Variants in PTPRN2 observed in about 807,000 individuals in gnomAD.
PTPRN2 encodes receptor-type tyrosine-protein phosphatase N2.
In PTPRN2, 74 loss-of-function variants were observed where a neutral mutation model predicts 118.8. That is an observed-to-expected ratio of 0.62 (90% CI 0.52 to 0.76). The LOEUF (loss-of-function observed/expected upper bound fraction) is 0.76, where lower values mean the gene tolerates loss of function less well. PTPRN2 is among the 30% of genes least tolerant of loss of function. The pLI, the probability that PTPRN2 is intolerant of heterozygous loss-of-function variation, is 0.00. For missense variants in PTPRN2, 1,481 were observed against 1,394.4 expected, an observed-to-expected ratio of 1.06 and a Z score of -0.99; for synonymous variants, 641 against 608.0, an observed-to-expected ratio of 1.05 and a Z score of -0.80.
intron 3 of PTPRN2, among the ~76,000 whole-genome samples, chr7:158,289,861 C>T (rs1055612218): frequency 9.2e-5 from 14 of 152,182 alleles, no homozygotes; most frequent in African/African-American, 3.4e-4. Context: ...AGATTCTGGG[C>T]GTCATCTGGC....
At chr7:158,521,408 T>C (rs1194749061) in intron 1 of PTPRN2, among the ~76,000 whole-genome samples, 2 of 152,222 alleles carry the variant, frequency 1.3e-5, no homozygotes, top group African/African-American at 4.8e-5. Context: ...TTGTTTTTTC[T>C]CCCTGCATCT....
chr7:158,390,869 G>A (rs879649590), intron 2 of PTPRN2, among the ~76,000 whole-genome samples: 6 of 152,196 alleles, frequency 3.9e-5, no homozygotes, highest in Admixed American at 3.9e-4. Flanking sequence ...AAAAATGGAG[G>A]GGCAGGAAGG....
intron 19 of PTPRN2, among the ~76,000 whole-genome samples, chr7:157,572,960 C>T (rs1418534181): frequency 6.6e-6 from 1 of 152,174 alleles, no homozygotes; most frequent in East Asian, 1.9e-4. Flanking sequence ...GCGGGGAAGG[C>T]AATGGTGAAC....
chr7:157,634,575 C>T (rs1236241040), intron 14 of PTPRN2, among the ~76,000 whole-genome samples: 3 of 152,194 alleles, frequency 2.0e-5, no homozygotes, highest in Non-Finnish European at 2.9e-5. Flanking sequence ...TGTGTGCACA[C>T]AGGGCTGCGT....
At chr7:158,520,899 G>A (rs1440287871) in intron 1 of PTPRN2, among the ~76,000 whole-genome samples, 2 of 152,116 alleles carry the variant, frequency 1.3e-5, no homozygotes, top group African/African-American at 4.8e-5. Flanking sequence ...TCAGCAGGAG[G>A]ATACACATGG....
At chr7:157,558,440 CTA>C (rs1799016883) in intron 21 of PTPRN2, among the ~76,000 whole-genome samples, 1 of 152,236 alleles carries the variant, frequency 6.6e-6, no homozygotes, top group Admixed American at 6.5e-5. Flanking sequence ...TCCTCAACAC[CTA>C]TGTCAGAATC....
At position 157,987,349 on chromosome 7, in the gene PTPRN2, C is replaced by A. The variant is rs967415405; in HGVS notation, c.1724-88612G>T. On this transcript the variant is annotated intron_variant, in intron 11 of 22. Coordinates refer to ENST00000389418, the MANE Select transcript of PTPRN2 (RefSeq NM_002847.5). This position sits in a 1 kb window ranked among gnomAD's most constrained non-coding sequence, Gnocchi z 4.3. ...ACTAAAGGGAAAGGGGGCGTGATGA[C>A]CAGTCACTAGTGGGGGTGAGACAAC... Among the ~76,000 whole-genome samples, 1 of 147,326 alleles carries A rather than the reference C, an allele frequency of 6.8e-6. No homozygotes were observed. Among genetic ancestry groups the A allele is most frequent in the Non-Finnish European group, 1.5e-5 (1 of 67,260 alleles).
At chr7:157,668,546 G>T (rs1212133065) in intron 13 of PTPRN2, among the ~76,000 whole-genome samples, 1 of 152,224 alleles carries the variant, frequency 6.6e-6, no homozygotes, top group African/African-American at 2.4e-5. Flanking sequence ...GGTTCACTGG[G>T]CTCTGCTGGG....
Position 157,690,802 on chromosome 7 carries a change from G to A in PTPRN2, c.1789-7865C>T, listed in dbSNP as rs973858373. Among the ~76,000 whole-genome samples, 1 of 149,784 alleles carries A rather than the reference G, an allele frequency of 6.7e-6. No homozygotes were observed. Among genetic ancestry groups the A allele is most frequent in the Non-Finnish European group, 1.5e-5 (1 of 67,270 alleles). The stretch of plus-strand genomic sequence containing the variant: ...GCGGCTGCGCGGCGGCACGGGCTCG[G>A]AGCCCGCAGGCGCCGGAGCTCTGCG... On this transcript the variant is annotated intron_variant, in intron 12 of 22. Transcript: ENST00000389418. The surrounding 1 kb of genome is among the most constrained non-coding windows in gnomAD (Gnocchi z 7.1).
intron 1 of PTPRN2, among the ~76,000 whole-genome samples, chr7:158,538,750 G>A (rs977005623): frequency 4.6e-5 from 7 of 152,218 alleles, no homozygotes; most frequent in Admixed American, 2.6e-4. Context: ...GGGGCGGGAA[G>A]AGGAACTCAG....
At chr7:158,557,015 C>T (rs1475680079) in intron 1 of PTPRN2, among the ~76,000 whole-genome samples, 1 of 142,238 alleles carries the variant, frequency 7.0e-6, no homozygotes, top group African/African-American at 2.8e-5. Context: ...CCACGCAGGT[C>T]GCTCCCACGC....
At chr7:157,865,623 A>T (rs1331876297) in intron 12 of PTPRN2, 1 of 152,220 alleles carries the variant, frequency 6.6e-6, no homozygotes, top group African/African-American at 2.4e-5. Flanking sequence ...TGCCAGGAGG[A>T]TCTGCTGTCT....
intron 3 of PTPRN2, among the ~76,000 whole-genome samples, chr7:158,316,008 C>A (rs1466748719): frequency 6.6e-6 from 1 of 152,140 alleles, no homozygotes; most frequent in African/African-American, 2.4e-5. Flanking sequence ...ACAAGGCCAG[C>A]CCTGCTGTGG....
At chr7:158,272,416 G>A (rs1288584108) in intron 3 of PTPRN2, among the ~76,000 whole-genome samples, 2 of 152,174 alleles carry the variant, frequency 1.3e-5, no homozygotes, top group African/African-American at 4.8e-5. Context: ...TTTTTCAAGT[G>A]GTTTGAGTCA....
chr7:158,045,213 C>T (rs537910729), intron 11 of PTPRN2, among the ~76,000 whole-genome samples: 6 of 152,290 alleles, frequency 3.9e-5, no homozygotes, highest in South Asian at 2.1e-4. Context: ...AGTCATGTGG[C>T]GCACAGCAGC....
In PTPRN2 at chr7:158,188,738, G is replaced by A. The variant is rs71545572; in HGVS notation, c.549+3589C>T. On this transcript the variant is annotated intron_variant, in intron 5 of 22. Coordinates refer to ENST00000389418, the MANE Select transcript of PTPRN2 (RefSeq NM_002847.5). ...TAGGGGGAAGGCCGCCACGCTCGCC[G>A]CCTTGTATGGGGAAGGCCGCCACGC... Among the ~76,000 whole-genome samples the A allele has an allele frequency of 2.0e-3, 192 of 96,756 alleles. No individual in the cohort carries two copies. The Middle Eastern group carries it at 0.028, about 14-fold the overall frequency. 63.5% of individuals were successfully genotyped at this position (96,756 alleles called of 152,430 possible).
chr7:158,434,573 G>A lies in PTPRN2; in HGVS notation c.163+55162C>T, dbSNP rs540249816. Reference sequence around the variant, plus strand: ...CAACATTGAAGGTGGTCCCTTGCAAGCAGTGTGGTTTTGTTTTTTAGTGAC... The same window carrying A: ...CAACATTGAAGGTGGTCCCTTGCAAACAGTGTGGTTTTGTTTTTTAGTGAC... On this transcript the variant is annotated intron_variant, in intron 2 of 22. Coordinates refer to ENST00000389418, the MANE Select transcript of PTPRN2 (RefSeq NM_002847.5). Among the ~76,000 whole-genome samples, 3 of 152,234 alleles carry A rather than the reference G, an allele frequency of 2.0e-5. No homozygotes were observed. In the East Asian group the frequency reaches 5.8e-4, roughly 29 times the overall value.
chr7:157,671,106 G>A lies in PTPRN2; in HGVS notation c.2001+11619C>T, dbSNP rs1002266779. Among the ~76,000 whole-genome samples, 22 of 146,870 alleles carry A rather than the reference G, an allele frequency of 1.5e-4. No homozygotes were observed. The highest frequency in any genetic ancestry group is 1.1e-3 in the Admixed American group (16 of 14,544). ...TCCAAGAGGGTTTACATGCTCCCCC[G>A]CCCCCCGTCCCCTGCCCACAGACCT... On this transcript the variant is annotated intron_variant, in intron 13 of 22. Coordinates refer to ENST00000389418, the MANE Select transcript of PTPRN2 (RefSeq NM_002847.5). This position sits in a 1 kb window ranked among gnomAD's most constrained non-coding sequence, Gnocchi z 4.1.
At chr7:158,079,212 A>G (rs898701527) in intron 11 of PTPRN2, among the ~76,000 whole-genome samples, 1 of 152,190 alleles carries the variant, frequency 6.6e-6, no homozygotes, top group Non-Finnish European at 1.5e-5. Context: ...TTCTTTAAAA[A>G]TCATGCATGA....
Sources: allele counts gnomAD v4.1 joint callset (sites outside exome capture counted in the v4.1 genomes callset), GRCh38; gene constraint gnomAD v4.1.1; non-coding constraint Gnocchi (gnomAD v3.1); transcripts MANE v1.5; gene names NCBI Gene and HGNC (gene_info 2026-07-23, HGNC 2026-07-21).